Variants in ST6GALNAC3 observed in about 807,000 individuals in gnomAD.
ST6GALNAC3 encodes ST6 N-acetylgalactosaminide alpha-2,6-sialyltransferase 3, also known as alpha-N-acetylgalactosaminide alpha-2,6-sialyltransferase 3.
ST6GALNAC3 carries 25 observed loss-of-function variants against 32.7 expected under a neutral mutation model. That is an observed-to-expected ratio of 0.76 (90% CI 0.56 to 1.07). The LOEUF is 1.07. Among genes scored for constraint, ST6GALNAC3 ranks in the 50% least tolerant of loss-of-function variants. The pLI is 0.00. For missense variants in ST6GALNAC3, 355 were observed against 382.4 expected (o/e 0.93, Z 0.60); for synonymous variants, 129 against 133.1 (o/e 0.97, Z 0.21).
At chr1:76,576,932 A>C in intron 3 of ST6GALNAC3, 1 of 1,057,190 alleles carries the variant, frequency 9.5e-7, no homozygotes, top group South Asian at 1.4e-5. Flanking sequence ...GAAGGAATAA[A>C]AGAAAGAAAG....
chr1:76,524,009 A>T (rs1281112943), intron 3 of ST6GALNAC3, among the ~76,000 whole-genome samples: 1 of 152,062 alleles, frequency 6.6e-6, no homozygotes. Context: ...CTTCCTTTCC[A>T]ATGATTTTAG....
intron 1 of ST6GALNAC3, among the ~76,000 whole-genome samples, chr1:76,296,618 G>A (rs1202775768): frequency 1.3e-5 from 2 of 151,992 alleles, no homozygotes; most frequent in Admixed American, 1.3e-4. Flanking sequence ...CCATAGCAGT[G>A]TTTTACTAAA....
intron 1 of ST6GALNAC3, among the ~76,000 whole-genome samples, chr1:76,294,691 T>G (rs112559977): frequency 8.1e-5 from 11 of 135,242 alleles, no homozygotes; most frequent in African/African-American, 3.4e-4. Flanking sequence ...AAAGAGTAAG[T>G]TTTTTTTTGC....
At chr1:76,332,575 T>G (rs1407937060) in intron 2 of ST6GALNAC3, among the ~76,000 whole-genome samples, 1 of 152,156 alleles carries the variant, frequency 6.6e-6, no homozygotes, top group Non-Finnish European at 1.5e-5. Context: ...TAGGTTATTC[T>G]AAGGGTTTCA....
intron 3 of ST6GALNAC3, among the ~76,000 whole-genome samples, chr1:76,490,793 G>A (rs114850896): frequency 0.024 from 3,700 of 151,690 alleles, 70 homozygotes; most frequent in Non-Finnish European, 0.039. Flanking sequence ...CCTACTCCCC[G>A]TCTTCCCAGT....
At chr1:76,120,451 A>G (rs1454970505) in intron 1 of ST6GALNAC3, among the ~76,000 whole-genome samples, 1 of 152,218 alleles carries the variant, frequency 6.6e-6, no homozygotes, top group Non-Finnish European at 1.5e-5. Context: ...AGGCCAATTT[A>G]TCAGAATAGC....
intron 2 of ST6GALNAC3, among the ~76,000 whole-genome samples, chr1:76,316,588 A>G (rs1042654136): frequency 1.3e-5 from 2 of 150,952 alleles, no homozygotes; most frequent in Non-Finnish European, 3.0e-5. Context: ...CTAAAAAAGG[A>G]AAAAAAAAGC....
intron 2 of ST6GALNAC3, among the ~76,000 whole-genome samples, chr1:76,378,238 A>G (rs1189358880): frequency 1.3e-5 from 2 of 152,202 alleles, no homozygotes; most frequent in Non-Finnish European, 1.5e-5. Flanking sequence ...AATTGATAAC[A>G]TTGTCCCTAG....
At chr1:76,520,784 A>G (rs1238570399) in intron 3 of ST6GALNAC3, among the ~76,000 whole-genome samples, 1 of 152,176 alleles carries the variant, frequency 6.6e-6, no homozygotes, top group Non-Finnish European at 1.5e-5. Flanking sequence ...ACTAATATCA[A>G]TATAGCCATA....
In ST6GALNAC3 at chr1:76,078,001, T is replaced by C. The variant is rs1315511883; in HGVS notation, c.18+3117T>C. Among the ~76,000 whole-genome samples the C allele has an allele frequency of 4.6e-5, 7 of 152,340 alleles. No individual in the cohort carries two copies. In the South Asian group the frequency reaches 1.2e-3, roughly 27 times the overall value. ...TGAAGAATAAAACTACATAGGTCCA[T>C]GGAGGGCATAGTAGAAGCATGGAAG... On this transcript the variant is annotated intron_variant, in intron 1 of 4. Coordinates refer to ENST00000328299, the MANE Select transcript of ST6GALNAC3 (RefSeq NM_152996.4).
intron 1 of ST6GALNAC3, among the ~76,000 whole-genome samples, chr1:76,147,437 T>A (rs1650757642): frequency 6.6e-6 from 1 of 152,160 alleles, no homozygotes; most frequent in Non-Finnish European, 1.5e-5. Context: ...CAAGCACAGA[T>A]ATCTTAACCT....
At chr1:76,307,803 A>G (rs1246782016) in intron 1 of ST6GALNAC3, 2 of 405,778 alleles carry the variant, frequency 4.9e-6, no homozygotes, top group East Asian at 1.3e-4. Flanking sequence ...ACATATTAAT[A>G]TAGATTGCAA....
intron 1 of ST6GALNAC3, among the ~76,000 whole-genome samples, chr1:76,211,315 G>A (rs939703573): frequency 6.6e-6 from 1 of 152,178 alleles, no homozygotes; most frequent in African/African-American, 2.4e-5. Flanking sequence ...TGGAGAAATA[G>A]GAATACTTTT....
chr1:76,463,219 T>C (rs1658401675), intron 3 of ST6GALNAC3, among the ~76,000 whole-genome samples: 1 of 152,220 alleles, frequency 6.6e-6, no homozygotes, highest in Admixed American at 6.5e-5. Context: ...TGTACTCGTC[T>C]TTAAATTTGC....
At chr1:76,627,004 A>T (rs2100723713) in intron 3 of ST6GALNAC3, among the ~76,000 whole-genome samples, 1 of 152,088 alleles carries the variant, frequency 6.6e-6, no homozygotes, top group East Asian at 1.9e-4. Context: ...TAGAAACCCA[A>T]GCAGCCTTCA....
chr1:76,317,319 G>T (rs1342252596), intron 2 of ST6GALNAC3, among the ~76,000 whole-genome samples: 2 of 152,054 alleles, frequency 1.3e-5, no homozygotes, highest in African/African-American at 4.8e-5. Flanking sequence ...TGCAGAAATG[G>T]TTACATTAAA....
chr1:76,226,853 T>C (rs998150929), intron 1 of ST6GALNAC3, among the ~76,000 whole-genome samples: 1 of 152,094 alleles, frequency 6.6e-6, no homozygotes, highest in African/African-American at 2.4e-5. Context: ...CCTCCAACAT[T>C]GGGGATTACA....
At chr1:76,599,988 T>C (rs1647197165) in intron 3 of ST6GALNAC3, among the ~76,000 whole-genome samples, 1 of 152,212 alleles carries the variant, frequency 6.6e-6, no homozygotes, top group Non-Finnish European at 1.5e-5. Context: ...TATTTTAAGA[T>C]AGATGTTACG....
chr1:76,457,428 G>A (rs1042762663), intron 3 of ST6GALNAC3, among the ~76,000 whole-genome samples: 3 of 152,108 alleles, frequency 2.0e-5, no homozygotes, highest in Non-Finnish European at 2.9e-5. Context: ...AAAGCTGGAG[G>A]CATCACACTA....
Sources: allele counts gnomAD v4.1 joint callset (sites outside exome capture counted in the v4.1 genomes callset), GRCh38; gene constraint gnomAD v4.1.1; transcripts MANE v1.5; gene names NCBI Gene and HGNC (gene_info 2026-07-23, HGNC 2026-07-21).